The following SPDL1 variants were observed in gnomAD, a reference collection of about 807,000 sequenced individuals.
The protein encoded by SPDL1 is spindle apparatus coiled-coil protein 1, also known as protein Spindly.
A neutral mutation model predicts 79.5 loss-of-function variants in SPDL1; 85 were observed. The observed-to-expected ratio is 1.07, with a 90% CI of 0.90 to 1.28. The LOEUF is 1.28. Ranked by LOEUF, SPDL1 falls within the 50% of genes most tolerant of loss-of-function variation. The probability of loss-of-function intolerance (pLI) is 0.00; values close to 1 mark genes in which losing one functional copy is unlikely to be tolerated. For synonymous variants in SPDL1, 269 were observed against 240.3 expected, an observed-to-expected ratio of 1.12 and a Z score of -1.10; for missense variants, 703 against 697.8, an observed-to-expected ratio of 1.01 and a Z score of -0.08.
intron 11 of SPDL1, among the ~76,000 whole-genome samples, chr5:169,602,988 C>CT (rs927873467): frequency 6.6e-6 from 1 of 152,022 alleles, no homozygotes; most frequent in African/African-American, 2.4e-5. Context: ...CTTTTTCTGC[C>CT]TTTTTTTGCT....
chr5:169,589,186 G>C (rs1755142416), intron 2 of SPDL1, among the ~76,000 whole-genome samples: 1 of 151,932 alleles, frequency 6.6e-6, no homozygotes, highest in Non-Finnish European at 1.5e-5. Context: ...TCATTAATAA[G>C]TTCTAAGAAC....
intron 7 of SPDL1, chr5:169,596,187 T>C (rs1387845754): frequency 6.3e-6 from 1 of 159,788 alleles, no homozygotes. Context: ...TTAAAGTTAA[T>C]TAAAAATTTT....
In SPDL1 at chr5:169,591,023, G is replaced by A. The variant is rs774355976; in HGVS notation, c.160-25G>A. 4 of 1,580,776 alleles carry A rather than the reference G, an allele frequency of 2.5e-6. No homozygotes were observed. In the African/African-American group the frequency reaches 4.1e-5, roughly 16 times the overall value. On this transcript the variant is annotated intron_variant, in intron 2 of 11. Coordinates refer to ENST00000265295, the MANE Select transcript of SPDL1 (RefSeq NM_017785.5). ...GGCTTTAGGCTATTTTTATGTAATT[G>A]AATTGTAATTGAATCTGTTTTCAGA...
intron 1 of SPDL1, among the ~76,000 whole-genome samples, chr5:169,587,616 CTG>C (rs1225218993): frequency 1.3e-5 from 2 of 152,170 alleles, no homozygotes; most frequent in East Asian, 3.8e-4. Flanking sequence ...GAAGTTAACA[CTG>C]TTGTGAAAAA....
chr5:169,603,295 C>T (rs535902402), intron 11 of SPDL1, among the ~76,000 whole-genome samples: 3 of 152,248 alleles, frequency 2.0e-5, no homozygotes, highest in Admixed American at 6.5e-5. Flanking sequence ...AGAATCTTTA[C>T]AGGCCTTTAA....
At chr5:169,590,985 G>C in intron 2 of SPDL1, 63 bp from the exon 3 acceptor site, 1 of 1,339,572 alleles carries the variant, frequency 7.5e-7, no homozygotes, top group South Asian at 1.3e-5. Flanking sequence ...GTTGAAAACT[G>C]ATTGTATGTA....
In SPDL1 at chr5:169,604,617, A is replaced by G. The variant is rs193162065; in HGVS notation, c.*410A>G. ...TATGTTGTAAAAATGGGAAGGTTGT[A>G]AACTATGTTGTAAAAATAGGAAATG... is the stretch of plus-strand genomic sequence containing the variant. On this transcript the variant is annotated 3_prime_UTR_variant, in exon 12 of 12. Transcript: ENST00000265295. The G allele has an allele frequency of 1.2e-3, 185 of 152,560 alleles. No individual in the cohort carries two copies. The highest frequency in any genetic ancestry group is 2.2e-3 in the Non-Finnish European group (148 of 68,170). 9.5% of individuals were successfully genotyped at this position (152,560 alleles called of 1,614,324 possible).
At chr5:169,588,350 G>GT in intron 1 of SPDL1, 44 bp from the exon 2 acceptor site, 1 of 1,374,932 alleles carries the variant, frequency 7.3e-7, no homozygotes, top group Non-Finnish European at 9.9e-7. Context: ...ATTGCATGGA[G>GT]TTTTTTGTAT....
At chr5:169,587,962 C>G (rs1000619363) in intron 1 of SPDL1, among the ~76,000 whole-genome samples, 2 of 152,146 alleles carry the variant, frequency 1.3e-5, no homozygotes, top group African/African-American at 4.8e-5. Flanking sequence ...TCAAGTAATC[C>G]TCCCCAGTTG....
chr5:169,599,799 A>G (rs1755789324), intron 10 of SPDL1, among the ~76,000 whole-genome samples: 1 of 152,198 alleles, frequency 6.6e-6, no homozygotes, highest in Admixed American at 6.5e-5. Flanking sequence ...ACAGTGAGCC[A>G]GGCGTGGTGG....
Position 169,588,484 on chromosome 5 carries a change from C to T in SPDL1, c.68C>T (p.Ala23Val), listed in dbSNP as rs1407439521. Residue 23 changes from alanine (A) to valine (V), a missense_variant, in exon 2 of 12, where the codon GCT (alanine) becomes GTT (valine). By Grantham distance (64) the Ala-to-Val change is moderately conservative (BLOSUM62 0). Coordinates refer to ENST00000265295, the MANE Select transcript of SPDL1 (RefSeq NM_017785.5). ...GAGGCTGAAGAAGAGCGACTAAAAG[C>T]TGCACAGTATGGTTTACAACTAGTA... ...LKEAEEERLK[A>V]AQYGLQLVES... 1 of 1,613,714 alleles carries T rather than the reference C, an allele frequency of 6.2e-7. No homozygotes were observed. The highest frequency in any genetic ancestry group is 8.5e-7 in the Non-Finnish European group (1 of 1,179,786).
intron 10 of SPDL1, among the ~76,000 whole-genome samples, chr5:169,600,333 T>C (rs1333280745): frequency 6.6e-6 from 1 of 152,220 alleles, no homozygotes; most frequent in Non-Finnish European, 1.5e-5. Context: ...TCTAATAGGC[T>C]CCCCTGATTA....
At chr5:169,593,160 C>T (rs767643559) in intron 3 of SPDL1, among the ~76,000 whole-genome samples, 194 bp from the exon 4 acceptor site, 18 of 152,058 alleles carry the variant, frequency 1.2e-4, no homozygotes, top group African/African-American at 3.4e-4. Flanking sequence ...AGACCCACCC[C>T]GATTACTCAT....
At position 169,594,171 on chromosome 5, in the gene SPDL1, A is replaced by G; in HGVS notation, c.558A>G (p.Glu186=). The G allele has an allele frequency of 6.2e-7, 1 of 1,608,438 alleles. No homozygotes were observed. Among genetic ancestry groups the G allele is most frequent in the South Asian group, 1.1e-5 (1 of 89,474 alleles). ...MKTTLKEEVN[E]LQYRQEQLEL... ...CCACCCTCAAAGAAGAAGTGAATGA[A>G]CTACAATACAGACAAGAACAGCTAG... Residue 186 remains glutamate (E), a synonymous_variant, in exon 5 of 12, where the codon GAA becomes GAG. Coordinates refer to ENST00000265295, the MANE Select transcript of SPDL1 (RefSeq NM_017785.5).
intron 1 of SPDL1, 167 bp from the exon 2 acceptor site, chr5:169,588,227 C>A: frequency 2.1e-6 from 1 of 483,618 alleles, no homozygotes; most frequent in East Asian, 3.4e-5. Context: ...CAGAACAGTT[C>A]TTGCTCTTGG....
chr5:169,585,009 T>A, intron 1 of SPDL1, among the ~76,000 whole-genome samples: 1 of 104,032 alleles, frequency 9.6e-6, no homozygotes, highest in East Asian at 2.8e-4. Context: ...AGAGCGAGAC[T>A]CCGTCTCAAA....
chr5:169,598,143 T>A (rs569199780), intron 8 of SPDL1, among the ~76,000 whole-genome samples: 8 of 152,288 alleles, frequency 5.3e-5, no homozygotes, highest in Non-Finnish European at 1.0e-4. Context: ...CAGAATTTAA[T>A]CCAGCAGGCA....
intron 7 of SPDL1, chr5:169,595,530 T>C (rs1755542972): frequency 6.6e-6 from 1 of 152,172 alleles, no homozygotes; most frequent in African/African-American, 2.4e-5. Context: ...TACAGTTAAA[T>C]GAAAGTGTAG....
At chr5:169,591,560 T>A (rs1327108820) in intron 3 of SPDL1, among the ~76,000 whole-genome samples, 1 of 152,234 alleles carries the variant, frequency 6.6e-6, no homozygotes, top group East Asian at 1.9e-4. Flanking sequence ...CTGCAGTCAG[T>A]GGTATGCTTT....
Sources: gnomAD v4.1 joint callset for allele counts (sites outside exome capture counted in the v4.1 genomes callset) on GRCh38, gnomAD v4.1.1 for gene constraint, MANE v1.5 for transcripts, NCBI Gene and HGNC (gene_info 2026-07-23, HGNC 2026-07-21) for gene names.